The following STAU2 variants were observed in gnomAD, a reference collection of about 807,000 sequenced individuals.
STAU2 encodes the protein staufen double-stranded RNA binding protein 2.
STAU2 carries 20 observed loss-of-function variants against 65.9 expected under a neutral mutation model. The ratio of observed to expected loss-of-function variants is 0.30; its 90% CI spans 0.21 to 0.44. The LOEUF (loss-of-function observed/expected upper bound fraction) is 0.44, where lower values mean the gene tolerates loss of function less well. Ranked by LOEUF, STAU2 falls within the 20% of genes least tolerant of loss-of-function variation. STAU2 has a pLI of 1.00. For synonymous variants in STAU2, 232 were observed against 233.9 expected, an observed-to-expected ratio of 0.99 and a Z score of 0.07; for missense variants, 558 against 683.9, an observed-to-expected ratio of 0.82 and a Z score of 2.05.
intron 11 of STAU2, among the ~76,000 whole-genome samples, chr8:73,592,101 GATAAA>G (rs1348056779): frequency 4.0e-5 from 6 of 150,840 alleles, no homozygotes; most frequent in African/African-American, 1.2e-4. Context: ...ACAAGTGAAG[GATAAA>G]ATAAAGAGCA....
At chr8:73,592,030 G>A (rs9643669) in intron 11 of STAU2, among the ~76,000 whole-genome samples, 1 of 150,408 alleles carries the variant, frequency 6.6e-6, no homozygotes, top group Non-Finnish European at 1.5e-5. Context: ...AAAGTTCTCA[G>A]ATGTATAGCC....
chr8:73,675,262 C>T (rs368660789), intron 5 of STAU2, among the ~76,000 whole-genome samples: 3 of 151,724 alleles, frequency 2.0e-5, no homozygotes, highest in African/African-American at 7.3e-5. Context: ...AGTGACACAA[C>T]TTATCAAAAC....
intron 4 of STAU2, 85 bp from the exon 5 acceptor site, chr8:73,688,898 T>C (rs1819134772): frequency 4.7e-6 from 7 of 1,496,630 alleles, no homozygotes; most frequent in Admixed American, 3.9e-5. Flanking sequence ...ATAAACATCA[T>C]AGAATCAGAA....
rs1806576365 is a variant in STAU2, at chr8:73,738,153, ACAG to A, written c.-18+128_-18+130del. On this transcript the variant is annotated intron_variant, in intron 3 of 14. Coordinates refer to ENST00000524300, the MANE Select transcript of STAU2 (RefSeq NM_001164380.2). The stretch of plus-strand genomic sequence containing the variant: ...CTACACAGCCTCCAATGATGACTAT[ACAG>A]TAGGTAACTGCTTTAAAAAGTGATG... The A allele has an allele frequency of 3.8e-6, 3 of 796,424 alleles. No homozygotes were observed. In the African/African-American group the frequency reaches 5.3e-5, roughly 14 times the overall value. 49.3% of individuals were successfully genotyped at this position (796,424 alleles called of 1,614,324 possible).
intron 6 of STAU2, among the ~76,000 whole-genome samples, chr8:73,649,754 A>G (rs1344816595): frequency 6.6e-6 from 1 of 151,296 alleles, no homozygotes; most frequent in East Asian, 1.9e-4. Flanking sequence ...AGTTCCAAAC[A>G]CAACGCTTTA....
At position 73,552,154 on chromosome 8, in the gene STAU2, G is replaced by A; in HGVS notation, c.1388C>T (p.Thr463Ile). 6.2e-7 allele frequency: 1 copy of A among 1,613,968 alleles called. No individual in the cohort carries two copies. The highest frequency in any genetic ancestry group is 8.5e-7 in the Non-Finnish European group (1 of 1,179,870). ...ATTCATAAGGAGTTCCCTGGCAATT[G>A]TAGCTGAACTATTCGATGTGGGAGA... ...SISPTSNSSATIARELLMNGT... is the reference protein window; with the variant it reads ...SISPTSNSSAIIARELLMNGT... Residue 463 changes from threonine to isoleucine, a missense_variant, in exon 13 of 15, where the codon ACA (threonine) becomes ATA (isoleucine). By Grantham distance (89) the Thr-to-Ile change is moderately conservative. Transcript: ENST00000524300.
intron 13 of STAU2, among the ~76,000 whole-genome samples, chr8:73,482,076 C>T (rs946047698): frequency 2.0e-5 from 3 of 152,074 alleles, no homozygotes; most frequent in African/African-American, 7.2e-5. Context: ...ACTGTTTGAG[C>T]GCCTCCGAGG....
At chr8:73,584,436 T>C (rs1354980006) in intron 11 of STAU2, among the ~76,000 whole-genome samples, 1 of 152,220 alleles carries the variant, frequency 6.6e-6, no homozygotes, top group Admixed American at 6.5e-5. Flanking sequence ...TGCATAAATA[T>C]GGATTATCTC....
intron 4 of STAU2, among the ~76,000 whole-genome samples, chr8:73,701,404 T>C (rs1820091441): frequency 6.6e-6 from 1 of 152,128 alleles, no homozygotes; most frequent in African/African-American, 2.4e-5. Flanking sequence ...AATCAAAATA[T>C]ATAAGAAGCT....
chr8:73,448,996 C>T (rs900696892), intron 13 of STAU2, among the ~76,000 whole-genome samples: 2 of 152,240 alleles, frequency 1.3e-5, no homozygotes, highest in African/African-American at 2.4e-5. Context: ...CGAGGGGCAG[C>T]CCGGGTTTTC....
intron 3 of STAU2, among the ~76,000 whole-genome samples, chr8:73,716,084 T>A (rs1407228908): frequency 7.1e-6 from 1 of 140,904 alleles, no homozygotes; most frequent in African/African-American, 2.8e-5. Flanking sequence ...CCAGCTAATT[T>A]TTTTTTCTTT....
At chr8:73,467,173 C>T (rs1819702744) in intron 13 of STAU2, among the ~76,000 whole-genome samples, 2 of 152,194 alleles carry the variant, frequency 1.3e-5, no homozygotes, top group South Asian at 4.1e-4. Flanking sequence ...TTTGATTCTC[C>T]AACTTCAAGA....
At chr8:73,581,990 G>A (rs1810023513) in intron 12 of STAU2, among the ~76,000 whole-genome samples, 2 of 152,142 alleles carry the variant, frequency 1.3e-5, no homozygotes, top group African/African-American at 4.8e-5. Context: ...TAGACTGGGT[G>A]TTTTTACTAG....
At chr8:73,719,934 G>A (rs1821521063) in intron 3 of STAU2, among the ~76,000 whole-genome samples, 1 of 152,030 alleles carries the variant, frequency 6.6e-6, no homozygotes, top group Admixed American at 6.5e-5. Flanking sequence ...CGGACCTAGA[G>A]TTTTCTTTTT....
At chr8:73,644,176 A>T (rs985097628) in intron 6 of STAU2, among the ~76,000 whole-genome samples, 1 of 152,360 alleles carries the variant, frequency 6.6e-6, no homozygotes, top group Middle Eastern at 3.4e-3. Flanking sequence ...TACACTTCTA[A>T]AATAATCCAG....
intron 3 of STAU2, among the ~76,000 whole-genome samples, chr8:73,733,876 T>C (rs1394013658): frequency 6.6e-6 from 1 of 152,146 alleles, no homozygotes; most frequent in African/African-American, 2.4e-5. Context: ...ATCTTTAAAA[T>C]CCACATACAT....
chr8:73,552,835 A>G (rs552685050), intron 12 of STAU2, among the ~76,000 whole-genome samples: 1 of 152,326 alleles, frequency 6.6e-6, no homozygotes, highest in South Asian at 2.1e-4. Context: ...AGACAACTCT[A>G]ACTCACGAAC....
intron 13 of STAU2, among the ~76,000 whole-genome samples, chr8:73,454,101 C>A (rs1818941561): frequency 6.6e-6 from 1 of 152,096 alleles, no homozygotes; most frequent in African/African-American, 2.4e-5. Flanking sequence ...AATTAGTTAT[C>A]CTTAATGAAT....
At chr8:73,682,489 G>A (rs1818502463) in intron 5 of STAU2, among the ~76,000 whole-genome samples, 1 of 151,874 alleles carries the variant, frequency 6.6e-6, no homozygotes, top group Non-Finnish European at 1.5e-5. Flanking sequence ...TAAGAGCAAA[G>A]TTTACAGCAC....
Sources: allele counts gnomAD v4.1 joint callset (sites outside exome capture counted in the v4.1 genomes callset), GRCh38; gene constraint gnomAD v4.1.1; transcripts MANE v1.5; gene names NCBI Gene and HGNC (gene_info 2026-07-23, HGNC 2026-07-21).